Variants in LRIG1 observed in about 807,000 individuals in gnomAD.
The protein encoded by LRIG1 is leucine rich repeats and immunoglobulin like domains 1.
A neutral mutation model predicts 99.2 loss-of-function variants in LRIG1; 48 were observed. The ratio of observed to expected loss-of-function variants is 0.48; its 90% CI spans 0.38 to 0.62. The LOEUF is 0.62. LRIG1 is among the 20% of genes least tolerant of loss of function. The probability of loss-of-function intolerance (pLI) is 0.00; values close to 1 mark genes in which losing one functional copy is unlikely to be tolerated. For synonymous variants in LRIG1, 772 were observed against 596.1 expected (o/e 1.29, Z -4.30); for missense variants, 1,646 against 1,434.4 (o/e 1.15, Z -2.38).
intron 12 of LRIG1, among the ~76,000 whole-genome samples, chr3:66,390,168 G>A (rs1701559952): frequency 6.6e-6 from 1 of 151,994 alleles, no homozygotes; most frequent in South Asian, 2.1e-4. Flanking sequence ...TGGAAATGAA[G>A]AAGTGAAACT....
intron 9 of LRIG1, among the ~76,000 whole-genome samples, chr3:66,403,619 G>C (rs1052940591): frequency 2.6e-5 from 4 of 152,214 alleles, no homozygotes; most frequent in African/African-American, 7.2e-5. Flanking sequence ...CCAGGGCACA[G>C]AGGGCGGGCA....
intron 1 of LRIG1, among the ~76,000 whole-genome samples, chr3:66,482,543 G>C (rs1237882965): frequency 6.6e-6 from 1 of 152,188 alleles, no homozygotes; most frequent in Non-Finnish European, 1.5e-5. Context: ...GTTTGTGAGG[G>C]TGTGGGACAA....
At chr3:66,391,034 T>C (rs1701596252) in intron 12 of LRIG1, among the ~76,000 whole-genome samples, 2 of 152,100 alleles carry the variant, frequency 1.3e-5, no homozygotes, top group Admixed American at 1.3e-4. Flanking sequence ...TATATATATA[T>C]GTATGTCCAA....
At chr3:66,401,962 C>T (rs190988754) in intron 9 of LRIG1, among the ~76,000 whole-genome samples, 7 of 152,250 alleles carry the variant, frequency 4.6e-5, no homozygotes, top group Non-Finnish European at 7.4e-5. Context: ...GAAGTAGCCG[C>T]GACATGTGCA....
intron 3 of LRIG1, among the ~76,000 whole-genome samples, chr3:66,442,022 T>C (rs1166614836): frequency 6.6e-6 from 1 of 152,200 alleles, no homozygotes; most frequent in Admixed American, 6.5e-5. Flanking sequence ...GTACCATATA[T>C]GCTGACGGTC....
intron 9 of LRIG1, among the ~76,000 whole-genome samples, chr3:66,403,650 C>G (rs1367169090): frequency 6.6e-6 from 1 of 152,198 alleles, no homozygotes; most frequent in Non-Finnish European, 1.5e-5. Flanking sequence ...CAGTGGCGGA[C>G]TCATGCAGCA....
At chr3:66,454,177 T>C (rs1488732442) in intron 2 of LRIG1, among the ~76,000 whole-genome samples, 1 of 152,142 alleles carries the variant, frequency 6.6e-6, no homozygotes, top group African/African-American at 2.4e-5. Flanking sequence ...TCCAGATCAT[T>C]TCTACTGAAA....
intron 12 of LRIG1, among the ~76,000 whole-genome samples, chr3:66,392,365 G>GA (rs1701652979): frequency 6.6e-6 from 1 of 152,188 alleles, no homozygotes; most frequent in Non-Finnish European, 1.5e-5. Flanking sequence ...AGGAACTGCC[G>GA]AGACTGTTTT....
intron 6 of LRIG1, among the ~76,000 whole-genome samples, chr3:66,410,604 G>A (rs1021755840): frequency 6.6e-5 from 10 of 152,326 alleles, no homozygotes; most frequent in East Asian, 3.9e-4. Flanking sequence ...TGGGGAGGCC[G>A]AAGAAGGAGG....
intron 3 of LRIG1, among the ~76,000 whole-genome samples, chr3:66,425,280 G>A (rs1406299088): frequency 6.6e-6 from 1 of 152,206 alleles, no homozygotes; most frequent in Non-Finnish European, 1.5e-5. Context: ...AACATTAGCT[G>A]GCCATTTCTC....
rs878967387 is a variant in LRIG1 at position 66,462,497 on chromosome 3, G to A, written c.231C>T (p.Tyr77=). ...CAGGGTCAATCTCAGAGAGTTTGTT[G>A]TAACTCAGGTTTCTGGTAAAGACAG... ...PSWTRSLNLS[Y]NKLSEIDPAG... Residue 77 remains tyrosine, a synonymous_variant, in exon 2 of 19, where the codon TAC becomes TAT. Coordinates refer to ENST00000273261, the MANE Select transcript of LRIG1 (RefSeq NM_015541.3). The A allele has an allele frequency of 1.1e-5, 17 of 1,611,334 alleles. No individual in the cohort carries two copies. The highest frequency in any genetic ancestry group is 1.7e-4 in the Middle Eastern group (1 of 6,060).
chr3:66,472,911 T>A (rs1345044558), intron 1 of LRIG1, among the ~76,000 whole-genome samples: 1 of 152,166 alleles, frequency 6.6e-6, no homozygotes, highest in Non-Finnish European at 1.5e-5. Context: ...ACTCTCATTT[T>A]GACAATTCAC....
chr3:66,407,630 C>CAG, intron 7 of LRIG1, 139 bp from the exon 8 acceptor site: 1 of 823,090 alleles, frequency 1.2e-6, no homozygotes, highest in Non-Finnish European at 1.9e-6. Flanking sequence ...CGTGCACACA[C>CAG]ACACCCACAC....
chr3:66,427,051 A>G (rs548125392), intron 3 of LRIG1, among the ~76,000 whole-genome samples: 1 of 152,334 alleles, frequency 6.6e-6, no homozygotes, highest in East Asian at 1.9e-4. Flanking sequence ...TAAGTTTCAC[A>G]TAATCTAGCC....
At chr3:66,388,015 G>C (rs1328712225) in intron 12 of LRIG1, 1 of 148,296 alleles carries the variant, frequency 6.7e-6, no homozygotes, top group African/African-American at 2.5e-5. Context: ...GCCGAGGCAG[G>C]AGAATGGCAT....
intron 12 of LRIG1, chr3:66,387,037 A>G (rs1448408455): frequency 6.7e-6 from 1 of 149,134 alleles, no homozygotes; most frequent in Non-Finnish European, 1.5e-5. Flanking sequence ...CAACACGGAA[A>G]GCCCCATTCA....
chr3:66,436,608 G>T (rs1328734353), intron 3 of LRIG1, among the ~76,000 whole-genome samples: 1 of 152,142 alleles, frequency 6.6e-6, no homozygotes, highest in Non-Finnish European at 1.5e-5. Flanking sequence ...GCAGAGCCCG[G>T]GGGTCTGGTG....
At chr3:66,415,824 G>A (rs1702600920) in intron 4 of LRIG1, among the ~76,000 whole-genome samples, 1 of 152,202 alleles carries the variant, frequency 6.6e-6, no homozygotes, top group South Asian at 2.1e-4. Flanking sequence ...AGAACAATAT[G>A]GCATTCCTGT....
intron 2 of LRIG1, among the ~76,000 whole-genome samples, chr3:66,460,363 A>T (rs1700327689): frequency 6.6e-6 from 1 of 152,194 alleles, no homozygotes; most frequent in Non-Finnish European, 1.5e-5. Flanking sequence ...AAGCTCCATG[A>T]TGGCCTGGGT....
Sources: gnomAD v4.1 joint callset for allele counts (sites outside exome capture counted in the v4.1 genomes callset) on GRCh38, gnomAD v4.1.1 for gene constraint, MANE v1.5 for transcripts, NCBI Gene and HGNC (gene_info 2026-07-23, HGNC 2026-07-21) for gene names.